The following C8orf74 variants were observed in gnomAD, a reference collection of about 807,000 sequenced individuals.
C8orf74 encodes chromosome 8 open reading frame 74, also known as uncharacterized protein C8orf74.
Under a neutral mutation model 22.2 loss-of-function variants are expected in C8orf74, and 29 were observed. The observed-to-expected ratio is 1.31, with a 90% CI of 0.97 to 1.78. C8orf74 has a LOEUF of 1.78. Ranked by LOEUF, C8orf74 falls within the 40% of genes most tolerant of loss-of-function variation. The pLI is 0.00. For synonymous variants in C8orf74, 255 were observed against 163.1 expected (o/e 1.56, Z -4.30); for missense variants, 515 against 369.9 (o/e 1.39, Z -3.22).
At chr8:10,682,242 G>T (rs1799166667) in intron 2 of C8orf74, among the ~76,000 whole-genome samples, 1 of 152,190 alleles carries the variant, frequency 6.6e-6, no homozygotes, top group African/African-American at 2.4e-5. Context: ...GATGGATGGT[G>T]GAAGTCTCCA....
intron 3 of C8orf74, among the ~76,000 whole-genome samples, chr8:10,699,445 G>A (rs932487483): frequency 1.3e-5 from 2 of 152,224 alleles, no homozygotes; most frequent in Non-Finnish European, 2.9e-5. Flanking sequence ...TCTTTTAAGT[G>A]AATACAAGAT....
intron 2 of C8orf74, among the ~76,000 whole-genome samples, chr8:10,689,998 C>T (rs1799339783): frequency 1.3e-5 from 2 of 152,138 alleles, no homozygotes; most frequent in African/African-American, 4.8e-5. Context: ...CTTCCTCGTG[C>T]AGTTCCAACC....
chr8:10,673,362 G>T (rs1265676276), intron 1 of C8orf74, among the ~76,000 whole-genome samples: 3 of 152,044 alleles, frequency 2.0e-5, no homozygotes, highest in Non-Finnish European at 4.4e-5. Flanking sequence ...AAGTAAAATG[G>T]GTTTTTACTT....
At chr8:10,687,828 T>C (rs1280680734) in intron 2 of C8orf74, among the ~76,000 whole-genome samples, 1 of 152,162 alleles carries the variant, frequency 6.6e-6, no homozygotes, top group Non-Finnish European at 1.5e-5. Flanking sequence ...GAAAAATGCA[T>C]AAATTATAAA....
intron 2 of C8orf74, among the ~76,000 whole-genome samples, chr8:10,696,862 C>CA (rs1204573750): frequency 1.4e-5 from 2 of 147,896 alleles, no homozygotes; most frequent in Non-Finnish European, 3.0e-5. Context: ...AAACAGGCAT[C>CA]AAAAGACACA....
At chr8:10,695,438 C>G (rs1170418204) in intron 2 of C8orf74, among the ~76,000 whole-genome samples, 1 of 152,104 alleles carries the variant, frequency 6.6e-6, no homozygotes, top group Non-Finnish European at 1.5e-5. Flanking sequence ...AGCAGTCCCT[C>G]CTTCCCTCCC....
chr8:10,678,593 A>T (rs565673816), intron 2 of C8orf74, among the ~76,000 whole-genome samples: 2,117 of 51,254 alleles, frequency 0.041, 52 homozygotes, highest in African/African-American at 0.12. Flanking sequence ...GAAGTAATTT[A>T]AAAAAAAAAA....
chr8:10,696,436 C>G lies in C8orf74; in HGVS notation c.242-1163C>G, dbSNP rs796795338. On this transcript the variant is annotated intron_variant, in intron 2 of 3. Coordinates refer to ENST00000304519, the MANE Select transcript of C8orf74 (RefSeq NM_001040032.2). Reference sequence around the variant, plus strand: ...CTTTTTTTTTCTTTTCTTTTCTTTTCTTTTCTTTTTTTTTTTTTTTTTTTT... The same window carrying G: ...CTTTTTTTTTCTTTTCTTTTCTTTTGTTTTCTTTTTTTTTTTTTTTTTTTT... Among the ~76,000 whole-genome samples, 316 of 130,774 alleles carry G rather than the reference C, an allele frequency of 2.4e-3. 2 individuals carry two copies. The highest frequency in any genetic ancestry group is 0.01 in the African/African-American group (307 of 30,254). 85.8% of individuals were successfully genotyped at this position (130,774 alleles called of 152,430 possible).
At chr8:10,681,977 G>A (rs2129056879) in intron 2 of C8orf74, among the ~76,000 whole-genome samples, 1 of 152,374 alleles carries the variant, frequency 6.6e-6, no homozygotes, top group African/African-American at 2.4e-5. Flanking sequence ...CGGGCAGGAG[G>A]CAGTGACTCT....
At chr8:10,694,288 G>A (rs1328914515) in intron 2 of C8orf74, among the ~76,000 whole-genome samples, 1 of 152,128 alleles carries the variant, frequency 6.6e-6, no homozygotes, top group Non-Finnish European at 1.5e-5. Flanking sequence ...TATAGGTTCA[G>A]TCACCGTTTG....
rs1366152391 is a variant in C8orf74, at chr8:10,674,726, C to A, written c.129C>A (p.Ile43=). 5.0e-6 allele frequency: 8 copies of A among 1,608,450 alleles called. No individual in the cohort carries two copies. The highest frequency in any genetic ancestry group is 2.2e-5 in the East Asian group (1 of 44,730). Reference sequence around the variant, plus strand: ...AACAGAGAGACTCCCGGAGGAGCATCCTGCTGGACACCCTCTACGAGAGCA... The same window carrying A: ...AACAGAGAGACTCCCGGAGGAGCATACTGCTGGACACCCTCTACGAGAGCA... ...FDEQRDSRRS[I]LLDTLYESII... The change falls in exon 2 of 4, where the codon ATC becomes ATA. Residue 43 remains isoleucine (I), a synonymous_variant. Transcript: ENST00000304519.
intron 2 of C8orf74, among the ~76,000 whole-genome samples, chr8:10,695,598 T>C (rs1464944310): frequency 6.6e-6 from 1 of 152,152 alleles, no homozygotes; most frequent in Non-Finnish European, 1.5e-5. Context: ...AGGTGAATAT[T>C]TCCATACAGA....
intron 2 of C8orf74, among the ~76,000 whole-genome samples, chr8:10,682,694 C>T (rs916923977): frequency 7.9e-5 from 12 of 152,224 alleles, no homozygotes; most frequent in African/African-American, 2.4e-4. Flanking sequence ...GACCTCAACA[C>T]GTAAACTAGG....
chr8:10,695,204 T>C (rs936471480), intron 2 of C8orf74, among the ~76,000 whole-genome samples: 8 of 152,174 alleles, frequency 5.3e-5, no homozygotes, highest in African/African-American at 1.9e-4. Flanking sequence ...CTGGACATCT[T>C]ACCCCATTTG....
intron 2 of C8orf74, among the ~76,000 whole-genome samples, chr8:10,678,784 G>A (rs959726305): frequency 6.6e-6 from 1 of 152,104 alleles, no homozygotes; most frequent in Admixed American, 6.5e-5. Flanking sequence ...AGCACCCCAG[G>A]GTGCAGAGCC....
At chr8:10,683,059 C>A (rs2129057031) in intron 2 of C8orf74, among the ~76,000 whole-genome samples, 1 of 152,362 alleles carries the variant, frequency 6.6e-6, no homozygotes, top group South Asian at 2.1e-4. Flanking sequence ...CAACGGGGAC[C>A]TATCCACTCA....
chr8:10,677,758 C>T (rs908410834), intron 2 of C8orf74, among the ~76,000 whole-genome samples: 9 of 152,136 alleles, frequency 5.9e-5, no homozygotes, highest in Non-Finnish European at 1.0e-4. Context: ...GGATGTACCA[C>T]CTCCCCTGTG....
chr8:10,680,321 G>T (rs1586033914), intron 2 of C8orf74, among the ~76,000 whole-genome samples: 1 of 152,190 alleles, frequency 6.6e-6, no homozygotes, highest in Non-Finnish European at 1.5e-5. Context: ...TGTCAAATGG[G>T]GGCAGTAACA....
At chr8:10,693,293 C>T (rs11992112) in intron 2 of C8orf74, among the ~76,000 whole-genome samples, 7,351 of 152,268 alleles carry the variant, frequency 0.048, 546 homozygotes, top group African/African-American at 0.17. Context: ...ACCCCTCTGA[C>T]CCAGTACATC....
Sources: gnomAD v4.1 joint callset for allele counts (sites outside exome capture counted in the v4.1 genomes callset) on GRCh38, gnomAD v4.1.1 for gene constraint, MANE v1.5 for transcripts, NCBI Gene and HGNC (gene_info 2026-07-23, HGNC 2026-07-21) for gene names.